PTK7: variants seen among roughly 807,000 people sequenced by gnomAD.
The protein encoded by PTK7 is inactive tyrosine-protein kinase 7.
Under a neutral mutation model 116.6 loss-of-function variants are expected in PTK7, and 39 were observed. That is an observed-to-expected ratio of 0.33 (90% CI 0.26 to 0.44). PTK7 has a LOEUF of 0.44. Among genes scored for constraint, PTK7 ranks in the 20% least tolerant of loss-of-function variants. The pLI, the probability that PTK7 is intolerant of heterozygous loss-of-function variation, is 1.00. For missense variants in PTK7, 1,169 were observed against 1,425.6 expected, an observed-to-expected ratio of 0.82 and a Z score of 2.90; for synonymous variants, 546 against 563.6, an observed-to-expected ratio of 0.97 and a Z score of 0.44.
chr6:43,132,998 G>A (rs1769799494), intron 7 of PTK7: 2 of 491,994 alleles, frequency 4.1e-6, no homozygotes, highest in Non-Finnish European at 3.6e-6. Flanking sequence ...GAGTGACGAT[G>A]GTAGCAAATC....
Position 43,130,611 on chromosome 6 carries a change from G to A in PTK7, c.762G>A (p.Pro254=), listed in dbSNP as rs144714245. The part of the protein sequence containing the change: ...FHCQFSAQPP[P]SLQWLFEDET... Reference sequence around the variant, plus strand: ...GCCAGTTCTCAGCCCAGCCACCCCCGAGCCTGCAGTGGCTCTTTGAGGATG... The same window carrying A: ...GCCAGTTCTCAGCCCAGCCACCCCCAAGCCTGCAGTGGCTCTTTGAGGATG... The change falls in exon 5 of 20, where the codon CCG becomes CCA. Residue 254 remains proline (P), a synonymous_variant. Coordinates refer to ENST00000230419, the MANE Select transcript of PTK7 (RefSeq NM_002821.5). 6.2e-6 allele frequency: 10 copies of A among 1,614,092 alleles called. No individual in the cohort carries two copies. In the African/African-American group the frequency reaches 8.0e-5, roughly 13 times the overall value.
chr6:43,132,796 C>T, intron 7 of PTK7, 109 bp downstream of exon 7: 1 of 1,466,340 alleles, frequency 6.8e-7, no homozygotes, highest in Non-Finnish European at 9.3e-7. Flanking sequence ...CAGTTCTGGG[C>T]CCTGCAGGCT....
intron 17 of PTK7, among the ~76,000 whole-genome samples, chr6:43,152,380 AT>A (rs1375793629): frequency 1.3e-5 from 2 of 152,190 alleles, no homozygotes; most frequent in Non-Finnish European, 2.9e-5. Context: ...AAATACAAAA[AT>A]TAGCCGGGCG....
At chr6:43,108,264 T>G (rs1768006322) in intron 1 of PTK7, among the ~76,000 whole-genome samples, 1 of 151,358 alleles carries the variant, frequency 6.6e-6, no homozygotes, top group Non-Finnish European at 1.5e-5. Flanking sequence ...CTGGCTAATT[T>G]TTGTATTTTT....
chr6:43,122,434 T>C (rs1015549828), intron 1 of PTK7, among the ~76,000 whole-genome samples: 3 of 151,968 alleles, frequency 2.0e-5, no homozygotes, highest in African/African-American at 7.3e-5. Flanking sequence ...GGGCTGCTTC[T>C]CCTGGCCTGT....
chr6:43,101,914 G>A (rs1286644492), intron 1 of PTK7, among the ~76,000 whole-genome samples: 1 of 152,172 alleles, frequency 6.6e-6, no homozygotes, highest in Non-Finnish European at 1.5e-5. Context: ...CGTCAGAGGT[G>A]GCTGGGCGTG....
chr6:43,120,940 G>C (rs1768919770), intron 1 of PTK7, among the ~76,000 whole-genome samples: 1 of 152,100 alleles, frequency 6.6e-6, no homozygotes, highest in African/African-American at 2.4e-5. Context: ...GGGTCACTAA[G>C]GGCAAGAGGC....
Position 43,129,122 on chromosome 6 carries a change from G to C in PTK7, c.225G>C (p.Thr75=). 2 of 1,614,218 alleles carry C rather than the reference G, an allele frequency of 1.2e-6. No homozygotes were observed. Among genetic ancestry groups the C allele is most frequent in the Non-Finnish European group, 1.7e-6 (2 of 1,180,044 alleles). ...TCGATGGGGCCCCTGTCCAGGACAC[G>C]GAGCGGCGTTTCGCCCAGGGCAGCA... ...WLLDGAPVQD[T]ERRFAQGSSL... Residue 75 remains threonine, a synonymous_variant, in exon 2 of 20, where the codon ACG becomes ACC. Transcript: ENST00000230419. This position sits in a 1 kb window ranked among gnomAD's most constrained non-coding sequence, Gnocchi z 4.5.
chr6:43,135,985 C>T (rs1448919640), intron 7 of PTK7, among the ~76,000 whole-genome samples: 4 of 151,998 alleles, frequency 2.6e-5, no homozygotes, highest in African/African-American at 9.7e-5. Flanking sequence ...GTCAGGAATT[C>T]GAGACCAGCC....
chr6:43,105,971 C>T (rs944007971), intron 1 of PTK7, among the ~76,000 whole-genome samples: 2 of 152,176 alleles, frequency 1.3e-5, no homozygotes, highest in East Asian at 1.9e-4. Context: ...GGCATTATCC[C>T]GTAGCCGTGC....
intron 16 of PTK7, 33 bp from the exon 17 acceptor site, chr6:43,146,585 T>C (rs1376449506): frequency 6.3e-7 from 1 of 1,596,158 alleles, no homozygotes; most frequent in East Asian, 2.2e-5. Context: ...GGCTGTGCAC[T>C]GACCTGAGCG....
At chr6:43,131,780 G>T in intron 5 of PTK7, 1 of 574,524 alleles carries the variant, frequency 1.7e-6, no homozygotes, top group South Asian at 2.0e-5. Flanking sequence ...ATTGCCATTT[G>T]CCTCATTGCT....
intron 1 of PTK7, among the ~76,000 whole-genome samples, chr6:43,122,391 C>G (rs1361845626): frequency 6.7e-6 from 1 of 149,696 alleles, no homozygotes; most frequent in Non-Finnish European, 1.5e-5. Flanking sequence ...CGGGGCTGCT[C>G]CTCCCCTGGA....
intron 17 of PTK7, among the ~76,000 whole-genome samples, chr6:43,153,081 C>T (rs1178993896): frequency 6.6e-6 from 1 of 151,498 alleles, no homozygotes; most frequent in Non-Finnish European, 1.5e-5. Flanking sequence ...CCACCACGCC[C>T]GGACTGAGTT....
chr6:43,139,545 A>G lies in PTK7; in HGVS notation c.1618+20A>G. The G allele has an allele frequency of 1.2e-6, 2 of 1,613,642 alleles. No homozygotes were observed. Among genetic ancestry groups the G allele is most frequent in the Non-Finnish European group, 1.7e-6 (2 of 1,179,918 alleles). On this transcript the variant is annotated intron_variant, in intron 10 of 19. Transcript: ENST00000230419. This position sits in a 1 kb window ranked among gnomAD's most constrained non-coding sequence, Gnocchi z 4.6. ...GGGCAGGTGGGTACAGTGCCGGCAT[A>G]GGGTAGGGGCAGGCAGGCAGTTCAC...
At chr6:43,127,670 C>G (rs941957510) in intron 1 of PTK7, among the ~76,000 whole-genome samples, 2 of 152,014 alleles carry the variant, frequency 1.3e-5, no homozygotes, top group African/African-American at 4.8e-5. Context: ...TGGCTCACGC[C>G]TGTAATCCCA....
chr6:43,138,902 C>A lies in PTK7; in HGVS notation c.1282C>A (p.Pro428Thr), dbSNP rs1482422640. 4.3e-6 allele frequency: 7 copies of A among 1,614,168 alleles called. No individual in the cohort carries two copies. The East Asian group carries it at 1.6e-4, about 36-fold the overall frequency. ...PQDSQLEEGK[P>T]GYLDCLTQAT... ...AGACAGCCAGCTGGAGGAGGGCAAA[C>A]CCGGCTACTTGGATTGCCTGACCCA... The change falls in exon 8 of 20, where the codon CCC (proline) becomes ACC (threonine). Residue 428 changes from proline to threonine, a missense_variant. Transcript: ENST00000230419.
At chr6:43,091,434 T>A (rs1465071099) in intron 1 of PTK7, among the ~76,000 whole-genome samples, 3 of 152,168 alleles carry the variant, frequency 2.0e-5, no homozygotes, top group Non-Finnish European at 4.4e-5. Flanking sequence ...CTCGAAGTGT[T>A]GGGATTACAG....
rs749151296 is a variant in PTK7 at position 43,159,861 on chromosome 6, T to G, written c.2947T>G (p.Phe983Val). 1 of 1,614,238 alleles carries G rather than the reference T, an allele frequency of 6.2e-7. No homozygotes were observed. Among genetic ancestry groups the G allele is most frequent in the Non-Finnish European group, 8.5e-7 (1 of 1,180,038 alleles). Reference protein sequence around the residue: ...MSPEAILEGDFSTKSDVWAFG... With the variant: ...MSPEAILEGDVSTKSDVWAFG... ...CCCCGAGGCCATCCTGGAGGGTGAC[T>G]TCTCTACCAAGTCTGATGTCTGGGC... Residue 983 changes from phenylalanine (F) to valine (V), a missense_variant, in exon 19 of 20, where the codon TTC (phenylalanine) becomes GTC (valine). Transcript: ENST00000230419.
Sources: gnomAD v4.1 joint callset for allele counts (sites outside exome capture counted in the v4.1 genomes callset) on GRCh38, gnomAD v4.1.1 for gene constraint, Gnocchi (gnomAD v3.1) non-coding constraint, MANE v1.5 for transcripts, NCBI Gene and HGNC (gene_info 2026-07-23, HGNC 2026-07-21) for gene names.